UTRN: variants seen among roughly 807,000 people sequenced by gnomAD.
The protein encoded by UTRN is utrophin.
Under a neutral mutation model 463.9 loss-of-function variants are expected in UTRN, and 283 were observed. The observed-to-expected ratio is 0.61, with a 90% confidence interval of 0.55 to 0.67. The LOEUF is 0.67. UTRN is among the 30% of genes least tolerant of loss of function. UTRN has a pLI of 0.00. For missense variants in UTRN, 3,922 were observed against 4,084.3 expected, an observed-to-expected ratio of 0.96 and a Z score of 1.08; for synonymous variants, 1,442 against 1,431.5, an observed-to-expected ratio of 1.01 and a Z score of -0.17.
chr6:144,758,889 A>G (rs1253626373), intron 58 of UTRN, among the ~76,000 whole-genome samples: 1 of 152,054 alleles, frequency 6.6e-6, no homozygotes, highest in East Asian at 1.9e-4. Context: ...ACCTCAGGTA[A>G]GTCAGATGAA....
intron 26 of UTRN, among the ~76,000 whole-genome samples, 191 bp downstream of exon 26, chr6:144,480,173 A>G (rs1025932882): frequency 4.6e-5 from 7 of 152,228 alleles, no homozygotes; most frequent in Non-Finnish European, 1.0e-4. Context: ...AGGAGTCCAC[A>G]TATTTGGCTT....
At chr6:144,433,467 G>C (rs1341780995) in intron 9 of UTRN, among the ~76,000 whole-genome samples, 11 of 151,554 alleles carry the variant, frequency 7.3e-5, no homozygotes, top group Middle Eastern at 6.9e-3. Context: ...CTTCTCAGAC[G>C]GGGCGGTTGC....
At chr6:144,468,078 T>C (rs1216521690) in intron 23 of UTRN, among the ~76,000 whole-genome samples, 1 of 151,788 alleles carries the variant, frequency 6.6e-6, no homozygotes, top group African/African-American at 2.4e-5. Flanking sequence ...TTCCGACAGA[T>C]GGGGGAGGAG....
chr6:144,556,077 CTG>C (rs953954929), intron 49 of UTRN, among the ~76,000 whole-genome samples: 1 of 152,054 alleles, frequency 6.6e-6, no homozygotes, highest in Non-Finnish European at 1.5e-5. Flanking sequence ...TTAAGATTCT[CTG>C]TATAAAATTA....
chr6:144,321,457 A>G (rs1365258434), intron 2 of UTRN, among the ~76,000 whole-genome samples: 1 of 142,098 alleles, frequency 7.0e-6, no homozygotes, highest in Admixed American at 7.1e-5. Flanking sequence ...TAGCTGTGCC[A>G]TATCTTTTTT....
Position 144,513,965 on chromosome 6 carries a change from G to T in UTRN, c.5001G>T (p.Trp1667Cys), listed in dbSNP as rs1481245384. 6.2e-7 allele frequency: 1 copy of T among 1,614,048 alleles called. No individual in the cohort carries two copies. Among genetic ancestry groups the T allele is most frequent in the Non-Finnish European group, 8.5e-7 (1 of 1,179,958 alleles). The part of the protein sequence containing the change: ...FDGNVAHIST[W>C]LYQAEALLDE... Reference sequence around the variant, plus strand: ...GGAACGTGGCTCACATAAGTACCTGGCTTTATCAAGCTGAAGCTCTATTGG... The same window carrying T: ...GGAACGTGGCTCACATAAGTACCTGTCTTTATCAAGCTGAAGCTCTATTGG... The change falls in exon 36 of 75, where the codon TGG becomes TGT. Residue 1667 changes from tryptophan (W) to cysteine (C), a missense_variant. Physicochemically the swap from Trp to Cys is radical, Grantham distance 215. This residue lies in a region of UTRN where 2,349 missense variants were observed against 2,303.8 expected (regional missense o/e 1.02). Coordinates refer to ENST00000367545, the MANE Select transcript of UTRN (RefSeq NM_007124.3).
At chr6:144,364,336 C>T (rs866982075) in intron 2 of UTRN, among the ~76,000 whole-genome samples, 3 of 152,206 alleles carry the variant, frequency 2.0e-5, no homozygotes, top group Middle Eastern at 3.4e-3. Flanking sequence ...CCTGCTTCTC[C>T]CCACTGTCTC....
intron 73 of UTRN, among the ~76,000 whole-genome samples, chr6:144,846,195 GCTAT>G (rs1348756813): frequency 6.6e-6 from 1 of 152,228 alleles, no homozygotes; most frequent in Non-Finnish European, 1.5e-5. Context: ...AAGGAATTGA[GCTAT>G]CTGTGTGGAA....
In UTRN at chr6:144,731,395, G is replaced by T. The variant is rs115887808; in HGVS notation, c.7939+909G>T. Reference sequence around the variant, plus strand: ...CTGATGCATTTTTAAAAATAAACATGCCATTCAAAATCGTTTTTCATCATT... The same window carrying T: ...CTGATGCATTTTTAAAAATAAACATTCCATTCAAAATCGTTTTTCATCATT... On this transcript the variant is annotated intron_variant, in intron 54 of 74. Transcript: ENST00000367545. Among the ~76,000 whole-genome samples, 307 of 152,186 alleles carry T rather than the reference G, an allele frequency of 2.0e-3. 3 individuals are homozygous for T. The highest frequency in any genetic ancestry group is 7.1e-3 in the African/African-American group (294 of 41,538).
chr6:144,603,623 T>C (rs1020968228), intron 51 of UTRN, among the ~76,000 whole-genome samples: 2 of 152,196 alleles, frequency 1.3e-5, no homozygotes, highest in Admixed American at 1.3e-4. Context: ...TAGGAAGCAG[T>C]TCTGTCATCG....
Position 144,436,213 on chromosome 6 carries a change from A to G in UTRN, c.1059+75A>G, listed in dbSNP as rs901716688. On this transcript the variant is annotated intron_variant, in intron 10 of 74. Coordinates refer to ENST00000367545, the MANE Select transcript of UTRN (RefSeq NM_007124.3). The stretch of plus-strand genomic sequence containing the variant: ...CCTTAATCAGGGACTCTACTCTCCT[A>G]TTTGTTATCTACTGAATTCTGTTCT... The G allele has an allele frequency of 7.9e-6, 11 of 1,387,696 alleles. No individual in the cohort carries two copies. In the Admixed American group the frequency reaches 2.1e-4, roughly 26 times the overall value. The allele number at this position is 1,387,696 out of a possible 1,614,324, so 86.0% of individuals were successfully genotyped here.
intron 2 of UTRN, among the ~76,000 whole-genome samples, chr6:144,369,188 A>G (rs1779771225): frequency 6.6e-6 from 1 of 152,232 alleles, no homozygotes; most frequent in South Asian, 2.1e-4. Flanking sequence ...CATTTGATTC[A>G]TATTTGTTTA....
At chr6:144,701,621 T>G (rs966195577) in intron 53 of UTRN, among the ~76,000 whole-genome samples, 1 of 152,208 alleles carries the variant, frequency 6.6e-6, no homozygotes, top group Non-Finnish European at 1.5e-5. Flanking sequence ...TTTTATTGTA[T>G]TTTTCACTCC....
At chr6:144,537,155 A>G (rs1156570044) in intron 43 of UTRN, among the ~76,000 whole-genome samples, 1 of 152,090 alleles carries the variant, frequency 6.6e-6, no homozygotes, top group Non-Finnish European at 1.5e-5. Context: ...ATGTGATAAC[A>G]TGTCATATAA....
chr6:144,417,797 G>A (rs1485867641), intron 3 of UTRN, among the ~76,000 whole-genome samples: 1 of 152,172 alleles, frequency 6.6e-6, no homozygotes, highest in Admixed American at 6.5e-5. Context: ...ACAAAAGGTA[G>A]TTAATTGTTT....
Position 144,448,669 on chromosome 6 carries a change from G to C in UTRN, c.1972G>C (p.Val658Leu). The part of the protein sequence containing the change: ...PQKDLLETVR[V>L]REQAITKKSK... ...GAAGGACCTTTTGGAGACTGTTCGTGTAAGAGAACAAGCAATTACAAAAAA... is the reference window on the plus strand; with the variant it reads ...GAAGGACCTTTTGGAGACTGTTCGTCTAAGAGAACAAGCAATTACAAAAAA... The change falls in exon 17 of 75, where the codon GTA (valine) becomes CTA (leucine). Residue 658 changes from valine to leucine, a missense_variant. Transcript: ENST00000367545. The C allele has an allele frequency of 6.2e-7, 1 of 1,613,964 alleles. No individual in the cohort carries two copies. Among genetic ancestry groups the C allele is most frequent in the Non-Finnish European group, 8.5e-7 (1 of 1,179,946 alleles).
chr6:144,342,625 A>G (rs1777229315), intron 2 of UTRN, among the ~76,000 whole-genome samples: 1 of 152,150 alleles, frequency 6.6e-6, no homozygotes, highest in Non-Finnish European at 1.5e-5. Context: ...GTCACAAAAA[A>G]CCATATACTG....
In UTRN at chr6:144,797,555, T is replaced by A. The variant is rs116106135; in HGVS notation, c.9079-269T>A. ...GACTTTAAATTGAGTGGTTTGGGTTTTTGCTTTTGTTTCTTTCAAAATCTG... is the reference window on the plus strand; with the variant it reads ...GACTTTAAATTGAGTGGTTTGGGTTATTGCTTTTGTTTCTTTCAAAATCTG... On this transcript the variant is annotated intron_variant, in intron 63 of 74. Coordinates refer to ENST00000367545, the MANE Select transcript of UTRN (RefSeq NM_007124.3). Among the ~76,000 whole-genome samples, 442 of 152,350 alleles carry A rather than the reference T, an allele frequency of 2.9e-3. 1 individual carries two copies. The highest frequency in any genetic ancestry group is 0.01 in the African/African-American group (416 of 41,580).
intron 2 of UTRN, among the ~76,000 whole-genome samples, chr6:144,324,846 A>T (rs551836267): frequency 3.3e-5 from 5 of 152,306 alleles, no homozygotes; most frequent in African/African-American, 1.2e-4. Flanking sequence ...TGGCTTTCTT[A>T]TGCATCTCAC....
Sources: gnomAD v4.1 joint callset for allele counts (sites outside exome capture counted in the v4.1 genomes callset) on GRCh38, gnomAD v4.1.1 for gene constraint, gnomAD v4.1.1 regional missense constraint, MANE v1.5 for transcripts, NCBI Gene and HGNC (gene_info 2026-07-23, HGNC 2026-07-21) for gene names.